The following FBXO11 variants were observed in gnomAD, a reference collection of about 807,000 sequenced individuals.
The protein encoded by FBXO11 is F-box only protein 11.
Under a neutral mutation model 117.0 loss-of-function variants are expected in FBXO11, and 13 were observed. That is an observed-to-expected ratio of 0.11 (90% CI 0.07 to 0.18). The LOEUF is 0.18. FBXO11 is among the 10% of genes least tolerant of loss of function. FBXO11 has a pLI of 1.00. For missense variants in FBXO11, 767 were observed against 1,164.4 expected, an observed-to-expected ratio of 0.66 and a Z score of 4.97; for synonymous variants, 490 against 380.5, an observed-to-expected ratio of 1.29 and a Z score of -3.35.
At chr2:47,892,747 GGCCAAAACAATGAATGTAACA>G (rs1232302180) in intron 1 of FBXO11, among the ~76,000 whole-genome samples, 1 of 151,984 alleles carries the variant, frequency 6.6e-6, no homozygotes, top group Non-Finnish European at 1.5e-5. Context: ...CTAGATACAT[GGCCAAAACAATGAATGTAACA>G]GCCAAAACAA....
chr2:47,903,870 G>A (rs771311719), intron 1 of FBXO11, among the ~76,000 whole-genome samples: 2 of 152,204 alleles, frequency 1.3e-5, no homozygotes, highest in Non-Finnish European at 2.9e-5. Context: ...ATAGACATAT[G>A]TGAAAGGAAA....
Position 47,807,398 on chromosome 2 carries a change from G to T in FBXO11, c.*720C>A, listed in dbSNP as rs1670294094. On this transcript the variant is annotated 3_prime_UTR_variant, in exon 23 of 23. Transcript: ENST00000403359. ...TAAAACACTCACTTTTTCTAGGGGT[G>T]ATTTTGAATGCTGCACAGGGAAGGG... The T allele has an allele frequency of 4.8e-6, 1 of 206,952 alleles. No individual in the cohort carries two copies. Among genetic ancestry groups the T allele is most frequent in the Non-Finnish European group, 9.9e-6 (1 of 101,350 alleles). The allele number at this position is 206,952 out of a possible 1,614,324, so 12.8% of individuals were successfully genotyped here.
chr2:47,834,416 C>CT (rs1287489561), intron 7 of FBXO11, among the ~76,000 whole-genome samples, 163 bp downstream of exon 7: 3 of 152,098 alleles, frequency 2.0e-5, no homozygotes, highest in African/African-American at 4.8e-5. Context: ...TTTCTGAACT[C>CT]TTATGTTTTC....
At chr2:47,845,976 G>C (rs1333975079) in intron 1 of FBXO11, among the ~76,000 whole-genome samples, 1 of 151,136 alleles carries the variant, frequency 6.6e-6, no homozygotes, top group Non-Finnish European at 1.5e-5. Context: ...ATTATTTTTT[G>C]TCCCCTCCTG....
intron 1 of FBXO11, among the ~76,000 whole-genome samples, chr2:47,895,688 A>C (rs1056822561): frequency 2.6e-5 from 4 of 152,108 alleles, no homozygotes; most frequent in Non-Finnish European, 5.9e-5. Flanking sequence ...ATAACTATAT[A>C]GTTTATGTTG....
At chr2:47,857,888 C>T (rs903207462) in intron 1 of FBXO11, among the ~76,000 whole-genome samples, 8 of 152,092 alleles carry the variant, frequency 5.3e-5, no homozygotes, top group African/African-American at 1.2e-4. Flanking sequence ...ATAAGGCAGA[C>T]GCAGCAGACT....
chr2:47,883,487 G>T (rs1184043331), intron 1 of FBXO11: 1 of 415,532 alleles, frequency 2.4e-6, no homozygotes, highest in South Asian at 1.9e-5. Flanking sequence ...TTATGGGGAA[G>T]ACCATCACCC....
At chr2:47,859,557 G>C in intron 1 of FBXO11, among the ~76,000 whole-genome samples, 1 of 152,184 alleles carries the variant, frequency 6.6e-6, no homozygotes, top group East Asian at 1.9e-4. Flanking sequence ...AAATGGATGA[G>C]ACCTCAAGAA....
At chr2:47,822,553 A>T (rs1317054325) in intron 12 of FBXO11, among the ~76,000 whole-genome samples, 1 of 152,252 alleles carries the variant, frequency 6.6e-6, no homozygotes, top group Non-Finnish European at 1.5e-5. Flanking sequence ...GCTGATCTAG[A>T]AACATTTGAT....
chr2:47,869,178 T>C lies in FBXO11; in HGVS notation c.233-29409A>G, dbSNP rs797003849. Among the ~76,000 whole-genome samples the C allele has an allele frequency of 5.9e-5, 9 of 152,288 alleles. 1 individual carries two copies. Among genetic ancestry groups the C allele is most frequent in the African/African-American group, 2.2e-4 (9 of 41,554 alleles). Reference sequence around the variant, plus strand: ...ACGGTGGAAATAGGAGTGACACCACTTATTTATTACCCATAGTAACTCACT... The same window carrying C: ...ACGGTGGAAATAGGAGTGACACCACCTATTTATTACCCATAGTAACTCACT... On this transcript the variant is annotated intron_variant, in intron 1 of 22. Transcript: ENST00000403359.
intron 19 of FBXO11, 33 bp from the exon 20 acceptor site, chr2:47,809,740 C>G (rs768797614): frequency 1.4e-5 from 20 of 1,383,168 alleles, no homozygotes; most frequent in Non-Finnish European, 2.0e-5. Context: ...GTAGATACAT[C>G]ACTTTATACT....
chr2:47,808,868 G>C (rs940394408), intron 21 of FBXO11: 1 of 289,780 alleles, frequency 3.5e-6, no homozygotes, highest in Admixed American at 4.8e-5. Context: ...TATGGTCTTT[G>C]TTTTGTTTTG....
intron 5 of FBXO11, among the ~76,000 whole-genome samples, chr2:47,835,383 C>G (rs1302336259): frequency 6.6e-6 from 1 of 152,240 alleles, no homozygotes; most frequent in East Asian, 1.9e-4. Flanking sequence ...GAAATCACAA[C>G]TGCTCTTAGG....
intron 1 of FBXO11, among the ~76,000 whole-genome samples, chr2:47,901,021 G>T (rs1367720786): frequency 7.7e-6 from 1 of 129,926 alleles, no homozygotes; most frequent in East Asian, 3.1e-4. Context: ...ATATATTTAT[G>T]TATATATATA....
At chr2:47,831,996 C>T (rs529028551) in intron 11 of FBXO11, among the ~76,000 whole-genome samples, 328 of 151,424 alleles carry the variant, frequency 2.2e-3, no homozygotes, top group Non-Finnish European at 3.5e-3. Flanking sequence ...AAGCCCCATC[C>T]TTGGAAATTT....
At chr2:47,899,529 G>T (rs1390451174) in intron 1 of FBXO11, among the ~76,000 whole-genome samples, 3 of 152,138 alleles carry the variant, frequency 2.0e-5, no homozygotes, top group Non-Finnish European at 1.5e-5. Context: ...CACAAAGTAA[G>T]GCTCAGAGAG....
intron 7 of FBXO11, among the ~76,000 whole-genome samples, chr2:47,833,381 A>G (rs1558424378): frequency 6.6e-6 from 1 of 152,224 alleles, no homozygotes; most frequent in Non-Finnish European, 1.5e-5. Context: ...AGCACTGGAA[A>G]CAGAAGCTCA....
At chr2:47,879,936 C>T (rs1676313506) in intron 1 of FBXO11, among the ~76,000 whole-genome samples, 1 of 151,830 alleles carries the variant, frequency 6.6e-6, no homozygotes, top group African/African-American at 2.4e-5. Flanking sequence ...ACAAAATTTC[C>T]TTTCTAAAGT....
intron 16 of FBXO11, chr2:47,814,140 T>TA (rs1429621020): frequency 9.3e-6 from 3 of 323,154 alleles, no homozygotes; most frequent in African/African-American, 6.4e-5. Flanking sequence ...CCCTCATATG[T>TA]AAAATGAAGG....
Sources: gnomAD v4.1 joint callset for allele counts (sites outside exome capture counted in the v4.1 genomes callset) on GRCh38, gnomAD v4.1.1 for gene constraint, MANE v1.5 for transcripts, NCBI Gene and HGNC (gene_info 2026-07-23, HGNC 2026-07-21) for gene names.